PKN3: variants seen among roughly 807,000 people sequenced by gnomAD.
PKN3 encodes the protein protein kinase N3.
A neutral mutation model predicts 113.1 loss-of-function variants in PKN3; 91 were observed. The ratio of observed to expected loss-of-function variants is 0.80; its 90% CI spans 0.68 to 0.96. PKN3 has a LOEUF of 0.96. Ranked by LOEUF, PKN3 falls within the 40% of genes least tolerant of loss-of-function variation. The probability of loss-of-function intolerance (pLI) is 0.00; values close to 1 mark genes in which losing one functional copy is unlikely to be tolerated. For synonymous variants in PKN3, 467 were observed against 499.0 expected (o/e 0.94, Z 0.85); for missense variants, 1,052 against 1,202.2 (o/e 0.88, Z 1.85).
intron 6 of PKN3, among the ~76,000 whole-genome samples, chr9:128,712,186 A>G (rs888428613): frequency 8.5e-5 from 13 of 152,328 alleles, no homozygotes; most frequent in Non-Finnish European, 1.6e-4. Flanking sequence ...TTGGGATTAC[A>G]GGCATGAGCC....
rs749848895 is a variant in PKN3 at position 128,714,240 on chromosome 9, G to A, written c.1356G>A (p.Ala452=). Residue 452 remains alanine (A), a synonymous_variant, in exon 11 of 22, where the codon GCG becomes GCA. Coordinates refer to ENST00000291906, the MANE Select transcript of PKN3 (RefSeq NM_013355.5). ...LRASQMNLGM[A]AWGRLVMNLL... ...CTTCGCAGATGAACCTCGGCATGGC[G>A]GCCTGGGGGCGCCTCGTCATGAACC... The A allele has an allele frequency of 6.8e-6, 11 of 1,613,890 alleles. No homozygotes were observed. Among genetic ancestry groups the A allele is most frequent in the Non-Finnish European group, 8.5e-6 (10 of 1,179,944 alleles).
chr9:128,716,986 C>G (rs1476130051), intron 16 of PKN3, 63 bp downstream of exon 16: 1 of 1,375,260 alleles, frequency 7.3e-7, no homozygotes. Flanking sequence ...TACACCCACT[C>G]TCTACATACT....
In PKN3 at chr9:128,713,464, G is replaced by T. The variant is rs747336470; in HGVS notation, c.1093-35G>T. On this transcript the variant is annotated intron_variant, in intron 8 of 21. Coordinates refer to ENST00000291906, the MANE Select transcript of PKN3 (RefSeq NM_013355.5). ...GGCTGCCCAGGTCGGGGCTCGTTCT[G>T]CACCCCACCCTTCAGCCTGGCCTCC... is the stretch of plus-strand genomic sequence containing the variant. 1.8e-5 allele frequency: 29 copies of T among 1,613,446 alleles called. No individual in the cohort carries two copies. The Admixed American group carries it at 4.7e-4, about 26-fold the overall frequency.
rs1264107113 is a variant in PKN3, at chr9:128,707,439, C to T, written c.835+34C>T. On this transcript the variant is annotated intron_variant, in intron 6 of 21. Transcript: ENST00000291906. ...AAGTTCCTCCCCCTTCAAAGCTCTC[C>T]TTCTTTTTGGGGGGAGGCCGGAAGC... 3 of 1,552,484 alleles carry T rather than the reference C, an allele frequency of 1.9e-6. No homozygotes were observed. The African/African-American group carries it at 4.1e-5, about 21-fold the overall frequency.
intron 4 of PKN3, 27 bp downstream of exon 4, chr9:128,706,851 G>T: frequency 6.2e-7 from 1 of 1,612,760 alleles, no homozygotes; most frequent in Middle Eastern, 1.7e-4. Flanking sequence ...CAGGGAGGGC[G>T]GAGCAGGGAA....
At chr9:128,706,640 C>A in intron 3 of PKN3, 73 bp from the exon 4 acceptor site, 1 of 1,144,152 alleles carries the variant, frequency 8.7e-7, no homozygotes, top group Non-Finnish European at 1.2e-6. Context: ...GGAGACCCGG[C>A]TCCAGTTCCT....
intron 16 of PKN3, among the ~76,000 whole-genome samples, chr9:128,717,548 T>C (rs1862380856): frequency 6.8e-6 from 1 of 147,274 alleles, no homozygotes; most frequent in South Asian, 2.2e-4. Context: ...GCCAACATGG[T>C]AAAATCTTGT....
At chr9:128,707,630 G>A (rs1311143811) in intron 6 of PKN3, among the ~76,000 whole-genome samples, 1 of 152,248 alleles carries the variant, frequency 6.6e-6, no homozygotes, top group East Asian at 1.9e-4. Flanking sequence ...TGCACGTGAT[G>A]TGCTAAGCAC....
At chr9:128,707,498 A>G in intron 6 of PKN3, 93 bp downstream of exon 6, 1 of 1,089,572 alleles carries the variant, frequency 9.2e-7, no homozygotes, top group African/African-American at 1.6e-5. Flanking sequence ...CAAGAGTTCC[A>G]GTCCTGCCCC....
chr9:128,717,359 C>T (rs1564377354), intron 16 of PKN3, among the ~76,000 whole-genome samples: 1 of 150,832 alleles, frequency 6.6e-6, no homozygotes, highest in Non-Finnish European at 1.5e-5. Context: ...AACTCCTGAC[C>T]TCAAGTGATC....
chr9:128,704,091 C>G, intron 1 of PKN3: 2 of 985,364 alleles, frequency 2.0e-6, no homozygotes, highest in Non-Finnish European at 2.4e-6. Context: ...GGGTTGCGGC[C>G]CCTTCCACTG....
At chr9:128,719,852 G>A (rs990437216) in intron 19 of PKN3, 24 bp downstream of exon 19, 6 of 1,610,524 alleles carry the variant, frequency 3.7e-6, no homozygotes, top group Non-Finnish European at 5.1e-6. Context: ...CCTGTTTCCT[G>A]GGCCTCTGGG....
chr9:128,718,218 T>C, intron 16 of PKN3, 107 bp from the exon 17 acceptor site: 1 of 830,568 alleles, frequency 1.2e-6, no homozygotes, highest in Non-Finnish European at 2.1e-6. Context: ...TCTCTGACTC[T>C]GGCCGGGACA....
chr9:128,702,949 G>C lies in PKN3; in HGVS notation c.24+10G>C, dbSNP rs752539389. The C allele has an allele frequency of 3.5e-5, 50 of 1,435,036 alleles. No homozygotes were observed. The South Asian group carries it at 6.4e-4, about 18-fold the overall frequency. The allele number at this position is 1,435,036 out of a possible 1,614,324, so 88.9% of individuals were successfully genotyped here. A position where few individuals can be genotyped will look rare whatever the true frequency, so the allele number is the denominator to read the frequency against. On this transcript the variant is annotated intron_variant, in intron 1 of 21. Transcript: ENST00000291906. Reference sequence around the variant, plus strand: ...GGGGGCGCCGCGGCAGGTGAACGGCGTGGGAGGGGCGCGCGGGCCCGGGGG... The same window carrying C: ...GGGGGCGCCGCGGCAGGTGAACGGCCTGGGAGGGGCGCGCGGGCCCGGGGG...
chr9:128,708,816 G>A (rs899887410), intron 6 of PKN3, among the ~76,000 whole-genome samples: 6 of 148,446 alleles, frequency 4.0e-5, no homozygotes, highest in African/African-American at 1.3e-4. Flanking sequence ...GCACTCCAGC[G>A]TGGGTGACAC....
At position 128,714,816 on chromosome 9, in the gene PKN3, A is replaced by G; in HGVS notation, c.1603A>G (p.Met535Val). 6.2e-7 allele frequency: 1 copy of G among 1,613,814 alleles called. No individual in the cohort carries two copies. The highest frequency in any genetic ancestry group is 8.5e-7 in the Non-Finnish European group (1 of 1,179,870). Residue 535 changes from methionine (M) to valine (V), a missense_variant, in exon 13 of 22, where the codon ATG becomes GTG. Around this residue, in one of 2 missense-constraint regions of PKN3, gnomAD observed 719 missense variants for 759.4 expected, o/e 0.95. Transcript: ENST00000291906. ...CTCACAGCGCACCAAACGTCCCCAT[A>G]TGGAGCCTAGGACTCGACGTGGGCC... ...EETPRTKRPH[M>V]EPRTRRGPSP...
At position 128,713,049 on chromosome 9, in the gene PKN3, C is replaced by T. The variant is rs1862224071; in HGVS notation, c.836-3C>T. 7 of 1,600,370 alleles carry T rather than the reference C, an allele frequency of 4.4e-6. No individual in the cohort carries two copies. Among genetic ancestry groups the T allele is most frequent in the Non-Finnish European group, 6.0e-6 (7 of 1,171,454 alleles). On this transcript the variant is annotated splice_region_variant and splice_polypyrimidine_tract_variant and intron_variant, in intron 6 of 21. Coordinates refer to ENST00000291906, the MANE Select transcript of PKN3 (RefSeq NM_013355.5). ...CAACGCCCCCCGCTCACTCTCCCCA[C>T]AGGGACACTGCAGGTCCGCCTCCTG...
rs1228478880 is a variant in PKN3, at chr9:128,720,272, C to T, written c.2446C>T (p.Pro816Ser). Reference protein sequence around the residue: ...EQDAEEIKVQPFFRTTNWQAL... With the variant: ...EQDAEEIKVQSFFRTTNWQAL... Reference sequence around the variant, plus strand: ...GGATGCCGAGGAGATCAAGGTCCAGCCATTCTTCAGGGTGAGCGGCTGGGG... The same window carrying T: ...GGATGCCGAGGAGATCAAGGTCCAGTCATTCTTCAGGGTGAGCGGCTGGGG... The change falls in exon 21 of 22, where the codon CCA becomes TCA. Residue 816 changes from proline (P) to serine (S), a missense_variant. Transcript: ENST00000291906. The surrounding 1 kb of genome is among the most constrained non-coding windows in gnomAD (Gnocchi z 5.5). 1 of 1,614,036 alleles carries T rather than the reference C, an allele frequency of 6.2e-7. No homozygotes were observed. Among genetic ancestry groups the T allele is most frequent in the South Asian group, 1.1e-5 (1 of 91,084 alleles).
Position 128,715,470 on chromosome 9 carries a change from G to C in PKN3, c.1808+10G>C. 1.9e-6 allele frequency: 3 copies of C among 1,606,082 alleles called. No homozygotes were observed. Among genetic ancestry groups the C allele is most frequent in the South Asian group, 2.2e-5 (2 of 90,936 alleles). ...GGGACGAGATAGAGAGGTGTGTGGGGGTGCCGCAGGGCACCCAGGATGGCT... is the reference window on the plus strand; with the variant it reads ...GGGACGAGATAGAGAGGTGTGTGGGCGTGCCGCAGGGCACCCAGGATGGCT... On this transcript the variant is annotated intron_variant, in intron 15 of 21. Coordinates refer to ENST00000291906, the MANE Select transcript of PKN3 (RefSeq NM_013355.5). The surrounding 1 kb of genome is among the most constrained non-coding windows in gnomAD (Gnocchi z 4.1).
Sources: allele counts gnomAD v4.1 joint callset (sites outside exome capture counted in the v4.1 genomes callset), GRCh38; gene constraint gnomAD v4.1.1; regional missense constraint gnomAD v4.1.1; non-coding constraint Gnocchi (gnomAD v3.1); transcripts MANE v1.5; gene names NCBI Gene and HGNC (gene_info 2026-07-23, HGNC 2026-07-21).